The following DROSHA variants were observed in gnomAD, a reference collection of about 807,000 sequenced individuals.
DROSHA encodes ribonuclease 3.
DROSHA carries 56 observed loss-of-function variants against 181.9 expected under a neutral mutation model. The observed-to-expected ratio is 0.31, with a 90% CI of 0.25 to 0.38. DROSHA has a LOEUF of 0.38. Among genes scored for constraint, DROSHA ranks in the 10% least tolerant of loss-of-function variants. The pLI is 1.00. For synonymous variants in DROSHA, 524 were observed against 591.2 expected, an observed-to-expected ratio of 0.89 and a Z score of 1.65; for missense variants, 1,218 against 1,743.5, an observed-to-expected ratio of 0.70 and a Z score of 5.37.
At chr5:31,506,743 G>A (rs1192641501) in intron 10 of DROSHA, among the ~76,000 whole-genome samples, 2 of 151,626 alleles carry the variant, frequency 1.3e-5, no homozygotes, top group East Asian at 3.9e-4. Flanking sequence ...CTTAATGCCA[G>A]TCATGACTTG....
Position 31,481,024 on chromosome 5 carries a change from T to C in DROSHA, c.2071+2530A>G, listed in dbSNP as rs527658607. On this transcript the variant is annotated intron_variant, in intron 16 of 35. Coordinates refer to ENST00000344624, the MANE Select transcript of DROSHA (RefSeq NM_001382508.1). ...TGAATTATTAAAAAATAGATGCAAA[T>C]CATATACTAGTAGATGACAACTACG... Among the ~76,000 whole-genome samples, 3 of 151,608 alleles carry C rather than the reference T, an allele frequency of 2.0e-5. 1 individual carries two copies. In the South Asian group the frequency reaches 6.3e-4, roughly 32 times the overall value.
At chr5:31,465,666 G>A (rs1748911579) in intron 19 of DROSHA, among the ~76,000 whole-genome samples, 1 of 152,102 alleles carries the variant, frequency 6.6e-6, no homozygotes, top group Non-Finnish European at 1.5e-5. Flanking sequence ...GGAGGTTTTT[G>A]CGTCATGGGT....
chr5:31,433,419 G>A (rs1283658488), intron 25 of DROSHA, among the ~76,000 whole-genome samples: 1 of 152,198 alleles, frequency 6.6e-6, no homozygotes, highest in Non-Finnish European at 1.5e-5. Flanking sequence ...CTGCTTGCAA[G>A]CAGACCGCAA....
chr5:31,419,185 G>C (rs989479823), intron 30 of DROSHA, among the ~76,000 whole-genome samples: 2 of 152,120 alleles, frequency 1.3e-5, no homozygotes, highest in African/African-American at 2.4e-5. Context: ...AGAAGGAGGA[G>C]GGAGCAGCCA....
At chr5:31,486,961 C>A (rs1751846862) in intron 13 of DROSHA, among the ~76,000 whole-genome samples, 1 of 152,162 alleles carries the variant, frequency 6.6e-6, no homozygotes, top group African/African-American at 2.4e-5. Flanking sequence ...AGGGTGATAA[C>A]TCATCAATTA....
At chr5:31,415,407 C>A (rs1232800898) in intron 30 of DROSHA, among the ~76,000 whole-genome samples, 1 of 152,142 alleles carries the variant, frequency 6.6e-6, no homozygotes, top group African/African-American at 2.4e-5. Context: ...TGCTAGCAGG[C>A]AAATACAGGT....
chr5:31,410,211 A>G (rs575997202), intron 31 of DROSHA, among the ~76,000 whole-genome samples: 3 of 152,210 alleles, frequency 2.0e-5, no homozygotes, highest in African/African-American at 7.2e-5. Flanking sequence ...ACTTATTTTG[A>G]AGTAATACAA....
At position 31,473,971 on chromosome 5, in the gene DROSHA, C is replaced by T. The variant is rs181846871; in HGVS notation, c.2072-1739G>A. On this transcript the variant is annotated intron_variant, in intron 16 of 35. Transcript: ENST00000344624. ...CATGTTTTTCACCATATGTGCCATGCACTGTGAGTGGTCCCATGTCAGTAT... is the reference window on the plus strand; with the variant it reads ...CATGTTTTTCACCATATGTGCCATGTACTGTGAGTGGTCCCATGTCAGTAT... Among the ~76,000 whole-genome samples the T allele has an allele frequency of 5.3e-5, 8 of 152,284 alleles. No homozygotes were observed. The East Asian group carries it at 1.5e-3, about 29-fold the overall frequency.
intron 30 of DROSHA, among the ~76,000 whole-genome samples, chr5:31,412,275 T>C (rs533411710): frequency 6.6e-6 from 1 of 152,338 alleles, no homozygotes; most frequent in Admixed American, 6.5e-5. Flanking sequence ...GTAATGCATC[T>C]ACAACTACAA....
intron 6 of DROSHA, among the ~76,000 whole-genome samples, chr5:31,517,045 T>C (rs946296197): frequency 2.0e-5 from 3 of 152,208 alleles, no homozygotes; most frequent in Non-Finnish European, 4.4e-5. Context: ...CCTGTCACTA[T>C]GGTTATTTTT....
At chr5:31,499,355 T>C (rs1433941134) in intron 11 of DROSHA, among the ~76,000 whole-genome samples, 3 of 152,214 alleles carry the variant, frequency 2.0e-5, no homozygotes, top group African/African-American at 7.2e-5. Context: ...GATGAGGCTG[T>C]TGGTACTAGG....
At chr5:31,437,949 C>T (rs1211585012) in intron 23 of DROSHA, among the ~76,000 whole-genome samples, 1 of 152,180 alleles carries the variant, frequency 6.6e-6, no homozygotes, top group Non-Finnish European at 1.5e-5. Context: ...AATCTACTCA[C>T]CCCTCAAGGC....
intron 27 of DROSHA, 81 bp from the exon 28 acceptor site, chr5:31,424,552 G>T: frequency 6.8e-7 from 1 of 1,462,958 alleles, no homozygotes; most frequent in South Asian, 1.3e-5. Flanking sequence ...GTCATTATTT[G>T]AAATACGGAA....
At chr5:31,501,819 C>T (rs2150048513) in intron 11 of DROSHA, among the ~76,000 whole-genome samples, 1 of 152,318 alleles carries the variant, frequency 6.6e-6, no homozygotes, top group African/African-American at 2.4e-5. Flanking sequence ...TGCTCCCACC[C>T]ACTCATAATA....
intron 24 of DROSHA, 70 bp downstream of exon 24, chr5:31,437,169 A>C: frequency 6.9e-7 from 1 of 1,454,148 alleles, no homozygotes; most frequent in Admixed American, 2.0e-5. Context: ...CAAAGAAAGC[A>C]ATGTAATAAG....
intron 8 of DROSHA, among the ~76,000 whole-genome samples, chr5:31,513,437 C>T (rs1738920145): frequency 6.6e-6 from 1 of 152,176 alleles, no homozygotes; most frequent in Non-Finnish European, 1.5e-5. Context: ...GACAGAACCA[C>T]CTTCTTGCCA....
Position 31,522,242 on chromosome 5 carries a change from A to C in DROSHA, c.855-1027T>G, listed in dbSNP as rs1739975058. Among the ~76,000 whole-genome samples the C allele has an allele frequency of 1.3e-5, 2 of 152,308 alleles. 1 individual carries two copies. On this transcript the variant is annotated intron_variant, in intron 5 of 35. Coordinates refer to ENST00000344624, the MANE Select transcript of DROSHA (RefSeq NM_001382508.1). Reference sequence around the variant, plus strand: ...AGATATATACCAGCTATCCCAAATAAAGCAGCCAGAGATTTGGATTCTACA... The same window carrying C: ...AGATATATACCAGCTATCCCAAATACAGCAGCCAGAGATTTGGATTCTACA...
At position 31,467,996 on chromosome 5, in the gene DROSHA, G is replaced by A. The variant is rs1476924065; in HGVS notation, c.2309C>T (p.Pro770Leu). ...GCGTATCCCAAAGTGGACGATAATCGGAAAAGTAATCACATCGGGGTTGAA... is the reference window on the plus strand; with the variant it reads ...GCGTATCCCAAAGTGGACGATAATCAGAAAAGTAATCACATCGGGGTTGAA... ...EQFNPDVITFPIIVHFGIRPA... is the reference protein window; with the variant it reads ...EQFNPDVITFLIIVHFGIRPA... The change falls in exon 18 of 36, where the codon CCG (proline) becomes CTG (leucine). Residue 770 changes from proline (P) to leucine (L), a missense_variant. This residue lies in a region of DROSHA where 460 missense variants were observed against 774.2 expected (regional missense o/e 0.59). Transcript: ENST00000344624. 5.6e-6 allele frequency: 9 copies of A among 1,611,794 alleles called. No individual in the cohort carries two copies. Among genetic ancestry groups the A allele is most frequent in the South Asian group, 4.4e-5 (4 of 90,338 alleles).
At chr5:31,444,761 G>A (rs996256277) in intron 23 of DROSHA, among the ~76,000 whole-genome samples, 1 of 152,182 alleles carries the variant, frequency 6.6e-6, no homozygotes, top group Non-Finnish European at 1.5e-5. Flanking sequence ...ATTAAGGGCT[G>A]TTTTAATTCA....
Sources: allele counts gnomAD v4.1 joint callset (sites outside exome capture counted in the v4.1 genomes callset), GRCh38; gene constraint gnomAD v4.1.1; regional missense constraint gnomAD v4.1.1; transcripts MANE v1.5; gene names NCBI Gene and HGNC (gene_info 2026-07-23, HGNC 2026-07-21).